The following ASPG variants were observed in gnomAD, a reference collection of about 807,000 sequenced individuals.
The protein encoded by ASPG is asparaginase.
A neutral mutation model predicts 63.2 loss-of-function variants in ASPG; 53 were observed. That is an observed-to-expected ratio of 0.84 (90% CI 0.67 to 1.05). ASPG has a LOEUF of 1.05. Ranked by LOEUF, ASPG falls within the 50% of genes least tolerant of loss-of-function variation. The pLI, the probability that ASPG is intolerant of heterozygous loss-of-function variation, is 0.00. For missense variants in ASPG, 741 were observed against 794.4 expected, an observed-to-expected ratio of 0.93 and a Z score of 0.81; for synonymous variants, 370 against 355.0, an observed-to-expected ratio of 1.04 and a Z score of -0.48.
chr14:104,110,200 G>A lies in ASPG; in HGVS notation c.1520+885G>A, dbSNP rs1235408370. The A allele has an allele frequency of 6.1e-6, 6 of 985,210 alleles. No individual in the cohort carries two copies. The highest frequency in any genetic ancestry group is 7.2e-6 in the Non-Finnish European group (6 of 829,854). 61.0% of individuals were successfully genotyped at this position (985,210 alleles called of 1,614,324 possible). On this transcript the variant is annotated intron_variant, in intron 13 of 15. Coordinates refer to ENST00000551177, the MANE Select transcript of ASPG (RefSeq NM_001080464.3). This position sits in a 1 kb window ranked among gnomAD's most constrained non-coding sequence, Gnocchi z 4.7. ...GGGGGTGCTGTGAGTGGTGGGGTCT[G>A]TGCGCCTGTAAGTCCAGAGTCCCAG...
Position 104,107,117 on chromosome 14 carries a change from C to T in ASPG, c.1270-65C>T, listed in dbSNP as rs548153120. ...CCTACCCTCAGAGGGACCCCACCCT[C>T]CCCATGGCCTACCTGGCCCCGCCTG... is the stretch of plus-strand genomic sequence containing the variant. On this transcript the variant is annotated intron_variant, in intron 11 of 15. Coordinates refer to ENST00000551177, the MANE Select transcript of ASPG (RefSeq NM_001080464.3). The T allele has an allele frequency of 1.1e-4, 167 of 1,515,170 alleles. No individual in the cohort carries two copies. The African/African-American group carries it at 2.1e-3, about 19-fold the overall frequency. 93.9% of individuals were successfully genotyped at this position (1,515,170 alleles called of 1,614,324 possible).
chr14:104,111,411 G>A (rs889684738), intron 13 of ASPG, 91 bp from the exon 14 acceptor site: 2 of 1,220,050 alleles, frequency 1.6e-6, no homozygotes, highest in Non-Finnish European at 2.3e-6. Flanking sequence ...GGCTTTGTAA[G>A]AGCGTCCAGG....
intron 10 of ASPG, 59 bp downstream of exon 10, chr14:104,105,509 C>T (rs554626900): frequency 2.7e-5 from 40 of 1,483,004 alleles, no homozygotes; most frequent in Non-Finnish European, 3.6e-5. Flanking sequence ...CTCTTGGTCA[C>T]CCTGGGATGC....
At chr14:104,100,172 A>T (rs761914813) in intron 6 of ASPG, among the ~76,000 whole-genome samples, 1 of 152,144 alleles carries the variant, frequency 6.6e-6, no homozygotes, top group African/African-American at 2.4e-5. Context: ...TCCTGGAAGA[A>T]TCCCCAGACA....
chr14:104,089,398 G>A (rs2036301939), intron 1 of ASPG, among the ~76,000 whole-genome samples: 1 of 151,882 alleles, frequency 6.6e-6, no homozygotes, highest in South Asian at 2.1e-4. Flanking sequence ...AGATGCCTGT[G>A]GTCCCAGCTA....
intron 1 of ASPG, 32 bp from the exon 2 acceptor site, chr14:104,092,601 G>A (rs1208389990): frequency 1.3e-6 from 2 of 1,518,974 alleles, no homozygotes; most frequent in Non-Finnish European, 1.8e-6. Flanking sequence ...GTCAGCCCCT[G>A]ACCCCAGCAT....
In ASPG at chr14:104,110,252, C is replaced by T; in HGVS notation, c.1520+937C>T. 1.0e-6 allele frequency: 1 copy of T among 984,710 alleles called. No individual in the cohort carries two copies. Among genetic ancestry groups the T allele is most frequent in the Non-Finnish European group, 1.2e-6 (1 of 829,656 alleles). 61.0% of individuals were successfully genotyped at this position (984,710 alleles called of 1,614,324 possible). A position where few individuals can be genotyped will look rare whatever the true frequency, so the allele number is the denominator to read the frequency against. On this transcript the variant is annotated intron_variant, in intron 13 of 15. Transcript: ENST00000551177. This position sits in a 1 kb window ranked among gnomAD's most constrained non-coding sequence, Gnocchi z 4.7. Reference sequence around the variant, plus strand: ...CTTGGGGAGTGGGTGATGGCGGGGGCTCGGCTCACTGGCTGGGAGGGGGTG... The same window carrying T: ...CTTGGGGAGTGGGTGATGGCGGGGGTTCGGCTCACTGGCTGGGAGGGGGTG...
In ASPG at chr14:104,085,814, A is replaced by G. The variant is rs1247466760; in HGVS notation, c.44A>G (p.Tyr15Cys). ...CCCGAGCGGAGGCTGCTGGCCGTCT[A>G]CACCGGCGGCACCATTGGCATGCGG... is the stretch of plus-strand genomic sequence containing the variant. The part of the protein sequence containing the change: ...VGPERRLLAV[Y>C]TGGTIGMRSE... The change falls in exon 1 of 16, where the codon TAC becomes TGC. Residue 15 changes from tyrosine to cysteine, a missense_variant. By Grantham distance (194) the Tyr-to-Cys change is radical. Transcript: ENST00000551177. 2 of 1,590,712 alleles carry G rather than the reference A, an allele frequency of 1.3e-6. No homozygotes were observed. Among genetic ancestry groups the G allele is most frequent in the African/African-American group, 1.4e-5 (1 of 72,938 alleles).
Position 104,109,118 on chromosome 14 carries a change from C to T in ASPG, c.1434-111C>T, listed in dbSNP as rs1033896324. On this transcript the variant is annotated intron_variant, in intron 12 of 15. Transcript: ENST00000551177. The surrounding 1 kb of genome is among the most constrained non-coding windows in gnomAD (Gnocchi z 4.8). ...AGGCTAGGGCTGTGGGGTCTTGGGC[C>T]GGCCGGTCCCCGTCCCTGTGCACAG... 187 of 1,522,340 alleles carry T rather than the reference C, an allele frequency of 1.2e-4. No individual in the cohort carries two copies. The highest frequency in any genetic ancestry group is 1.5e-4 in the East Asian group (6 of 40,772). The allele number at this position is 1,522,340 out of a possible 1,614,324, so 94.3% of individuals were successfully genotyped here. A position where few individuals can be genotyped will look rare whatever the true frequency, so the allele number is the denominator to read the frequency against.
rs749974980 is a variant in ASPG, at chr14:104,103,676, G to T, written c.753+1G>T. 3.9e-6 allele frequency: 6 copies of T among 1,547,062 alleles called. No homozygotes were observed. The South Asian group carries it at 6.0e-5, about 15-fold the overall frequency. On this transcript the variant is annotated splice_donor_variant, in intron 7 of 15. Coordinates refer to ENST00000551177, the MANE Select transcript of ASPG (RefSeq NM_001080464.3). LOFTEE classifies it high-confidence loss of function. ...CTACCCTGGGATCCCTGCCGCCCTG[G>T]TAGGGACCGCCCCGGCCATCCTGCC...
intron 2 of ASPG, 156 bp from the exon 3 acceptor site, chr14:104,093,335 C>G (rs559582752): frequency 1.4e-6 from 1 of 720,846 alleles, no homozygotes; most frequent in African/African-American, 1.7e-5. Flanking sequence ...GGCCGGGCCC[C>G]GTACCTGGGA....
intron 15 of ASPG, 136 bp downstream of exon 15, chr14:104,112,136 T>C: frequency 1.3e-6 from 1 of 787,122 alleles, no homozygotes; most frequent in South Asian, 1.8e-5. Context: ...GTTTAGGGTC[T>C]GCAGAGCCCC....
Position 104,106,865 on chromosome 14 carries a change from G to T in ASPG, c.1240G>T (p.Val414Leu). 6.3e-7 allele frequency: 1 copy of T among 1,593,586 alleles called. No individual in the cohort carries two copies. The highest frequency in any genetic ancestry group is 1.1e-5 in the South Asian group (1 of 87,626). ...CTGTGCTGCTGCCCACGCCGGTGACGTGGAGGCGCTGCAGGCGCTTGTGGA... is the reference window on the plus strand; with the variant it reads ...CTGTGCTGCTGCCCACGCCGGTGACTTGGAGGCGCTGCAGGCGCTTGTGGA... ...LACAAAHAGD[V>L]EALQALVELG... Residue 414 changes from valine (V) to leucine (L), a missense_variant, in exon 11 of 16, where the codon GTG (valine) becomes TTG (leucine). Val to Leu is a conservative substitution (Grantham distance 32, BLOSUM62 1). Coordinates refer to ENST00000551177, the MANE Select transcript of ASPG (RefSeq NM_001080464.3).
intron 6 of ASPG, 74 bp downstream of exon 6, chr14:104,099,053 G>C: frequency 1.3e-6 from 2 of 1,514,792 alleles, no homozygotes; most frequent in Non-Finnish European, 1.8e-6. Context: ...CAGGGAGCTC[G>C]TGGCTGGGAC....
intron 1 of ASPG, among the ~76,000 whole-genome samples, chr14:104,086,173 C>T (rs1227362186): frequency 6.6e-6 from 1 of 152,150 alleles, no homozygotes; most frequent in Non-Finnish European, 1.5e-5. Context: ...GGCGGGAGGG[C>T]CCCAGGGCAT....
chr14:104,107,239 C>T lies in ASPG; in HGVS notation c.1327C>T (p.Arg443Trp), dbSNP rs748461343. ...CCAAACCCCACTGCACGCGGCCGCC[C>T]GGGGAGGCCACACAGAGGCAGTCAC... ...NGQTPLHAAA[R>W]GGHTEAVTML... The change falls in exon 12 of 16, where the codon CGG (arginine) becomes TGG (tryptophan). Residue 443 changes from arginine (R) to tryptophan (W), a missense_variant. Coordinates refer to ENST00000551177, the MANE Select transcript of ASPG (RefSeq NM_001080464.3). 24 of 1,606,824 alleles carry T rather than the reference C, an allele frequency of 1.5e-5. No homozygotes were observed. Among genetic ancestry groups the T allele is most frequent in the Admixed American group, 1.3e-4 (8 of 59,336 alleles).
chr14:104,104,495 G>A lies in ASPG; in HGVS notation c.936+9G>A, dbSNP rs779579207. 1.7e-5 allele frequency: 28 copies of A among 1,610,662 alleles called. No individual in the cohort carries two copies. Among genetic ancestry groups the A allele is most frequent in the Non-Finnish European group, 2.3e-5 (27 of 1,178,628 alleles). Reference sequence around the variant, plus strand: ...ACTATGCAGCTGGCATGGTAGTGCCGGGAGATCAGGGCCTAGCGGGGAAGG... The same window carrying A: ...ACTATGCAGCTGGCATGGTAGTGCCAGGAGATCAGGGCCTAGCGGGGAAGG... On this transcript the variant is annotated intron_variant, in intron 8 of 15. Coordinates refer to ENST00000551177, the MANE Select transcript of ASPG (RefSeq NM_001080464.3).
chr14:104,091,530 A>C lies in ASPG; in HGVS notation c.83-1103A>C, dbSNP rs765768745. On this transcript the variant is annotated intron_variant, in intron 1 of 15. Transcript: ENST00000551177. The surrounding 1 kb of genome is among the most constrained non-coding windows in gnomAD (Gnocchi z 6.4). Reference sequence around the variant, plus strand: ...GGCCTTTGTGTAAGGCCAGAGGAGGATCACGGGTGCCATAAACCTTCACGG... The same window carrying C: ...GGCCTTTGTGTAAGGCCAGAGGAGGCTCACGGGTGCCATAAACCTTCACGG... Among the ~76,000 whole-genome samples, 1 of 152,014 alleles carries C rather than the reference A, an allele frequency of 6.6e-6. No individual in the cohort carries two copies.
Position 104,111,636 on chromosome 14 carries a change from G to C in ASPG, c.1620+35G>C, listed in dbSNP as rs1195266276. The stretch of plus-strand genomic sequence containing the variant: ...CCCACCCCCTGCACCCTCTCCAAAG[G>C]CTGCCACCTCCAGGAAGGACACCTG... On this transcript the variant is annotated intron_variant, in intron 14 of 15. Transcript: ENST00000551177. 2.6e-6 allele frequency: 4 copies of C among 1,526,424 alleles called. 1 individual carries two copies. The East Asian group carries it at 9.8e-5, about 37-fold the overall frequency. The allele number at this position is 1,526,424 out of a possible 1,614,324, so 94.6% of individuals were successfully genotyped here.
Sources: allele counts gnomAD v4.1 joint callset (sites outside exome capture counted in the v4.1 genomes callset), GRCh38; gene constraint gnomAD v4.1.1; non-coding constraint Gnocchi (gnomAD v3.1); transcripts MANE v1.5; gene names NCBI Gene and HGNC (gene_info 2026-07-23, HGNC 2026-07-21).